ABRAXAS2: variants seen among roughly 807,000 people sequenced by gnomAD.
ABRAXAS2 encodes the protein BRISC complex subunit Abraxas 2.
Under a neutral mutation model 49.0 loss-of-function variants are expected in ABRAXAS2, and 23 were observed. The ratio of observed to expected loss-of-function variants is 0.47; its 90% confidence interval spans 0.34 to 0.66. ABRAXAS2 has a LOEUF of 0.66. ABRAXAS2 is among the 30% of genes least tolerant of loss of function. ABRAXAS2 has a pLI of 0.01. For synonymous variants in ABRAXAS2, 168 were observed against 180.2 expected (o/e 0.93, Z 0.54); for missense variants, 443 against 511.9 (o/e 0.87, Z 1.30).
chr10:124,828,938 A>G (rs1189325610), intron 6 of ABRAXAS2, 63 bp downstream of exon 6: 7 of 1,548,710 alleles, frequency 4.5e-6, no homozygotes, highest in African/African-American at 1.4e-5. Flanking sequence ...TGTTAATAAC[A>G]TTTAAAAGGT....
At chr10:124,807,867 A>G (rs1325209685) in intron 2 of ABRAXAS2, among the ~76,000 whole-genome samples, 1 of 152,214 alleles carries the variant, frequency 6.6e-6, no homozygotes, top group Non-Finnish European at 1.5e-5. Flanking sequence ...ACCTCATACT[A>G]TAACGAATTC....
Position 124,812,700 on chromosome 10 carries a change from G to A in ABRAXAS2, c.164-3876G>A, listed in dbSNP as rs542743086. On this transcript the variant is annotated intron_variant, in intron 2 of 8. Transcript: ENST00000298492. Reference sequence around the variant, plus strand: ...ATAAACTGGGAACTTTGGAAAACCCGGGTTGAAAAGTCAAACATTAGGAAA... The same window carrying A: ...ATAAACTGGGAACTTTGGAAAACCCAGGTTGAAAAGTCAAACATTAGGAAA... Among the ~76,000 whole-genome samples, 10 of 152,118 alleles carry A rather than the reference G, an allele frequency of 6.6e-5. No homozygotes were observed. The South Asian group carries it at 1.0e-3, about 16-fold the overall frequency.
At chr10:124,829,583 C>T (rs1315308300) in intron 7 of ABRAXAS2, 106 bp downstream of exon 7, 15 of 722,614 alleles carry the variant, frequency 2.1e-5, no homozygotes, top group East Asian at 2.8e-5. Flanking sequence ...AGTTAGGATC[C>T]GAAAGTCAGA....
chr10:124,809,066 G>A (rs1950766838), intron 2 of ABRAXAS2, among the ~76,000 whole-genome samples: 1 of 152,064 alleles, frequency 6.6e-6, no homozygotes, highest in Admixed American at 6.6e-5. Context: ...GGGAGGCGGA[G>A]GTTGTGGTGA....
intron 4 of ABRAXAS2, among the ~76,000 whole-genome samples, chr10:124,824,726 T>G (rs1489102865): frequency 6.6e-6 from 1 of 152,170 alleles, no homozygotes. Flanking sequence ...GCAGGGGAAG[T>G]GCAGGGCATG....
At chr10:124,826,231 C>T (rs761738165) in intron 4 of ABRAXAS2, among the ~76,000 whole-genome samples, 1 of 152,220 alleles carries the variant, frequency 6.6e-6, no homozygotes, top group Non-Finnish European at 1.5e-5. Context: ...CCTGCCTTCT[C>T]CCCTCATTCC....
intron 1 of ABRAXAS2, among the ~76,000 whole-genome samples, chr10:124,805,170 A>G (rs1305196636): frequency 6.6e-6 from 1 of 151,920 alleles, no homozygotes; most frequent in Non-Finnish European, 1.5e-5. Context: ...CGTCTCTACT[A>G]AAAATACAAA....
intron 8 of ABRAXAS2, among the ~76,000 whole-genome samples, chr10:124,833,000 G>C (rs1950943314): frequency 6.6e-6 from 1 of 151,546 alleles, no homozygotes; most frequent in South Asian, 2.1e-4. Context: ...ACAAAAATTA[G>C]CTGGGCGTGG....
rs373573419 is a variant in ABRAXAS2 at position 124,828,893 on chromosome 10, G to A, written c.578+18G>A. ...GAACATGGGTAAGTTGAAAGGTAAA[G>A]TGCTAGTTTTTTCTTTTGTCAGCAA... is the stretch of plus-strand genomic sequence containing the variant. On this transcript the variant is annotated intron_variant, in intron 6 of 8. Transcript: ENST00000298492. The A allele has an allele frequency of 2.5e-6, 4 of 1,607,446 alleles. No individual in the cohort carries two copies. The African/African-American group carries it at 4.0e-5, about 16-fold the overall frequency.
At chr10:124,809,082 G>C (rs1425532089) in intron 2 of ABRAXAS2, among the ~76,000 whole-genome samples, 3 of 151,962 alleles carry the variant, frequency 2.0e-5, no homozygotes, top group Non-Finnish European at 4.4e-5. Context: ...GGTGAGCTGA[G>C]ATTGTGCCAT....
At chr10:124,823,442 GT>G (rs11360130) in intron 4 of ABRAXAS2, among the ~76,000 whole-genome samples, 8,727 of 152,256 alleles carry the variant, frequency 0.057, 812 homozygotes, top group African/African-American at 0.2. Context: ...TGCTTACAAT[GT>G]TTGCACAAGC....
chr10:124,804,317 G>A (rs1295338864), intron 1 of ABRAXAS2, among the ~76,000 whole-genome samples: 1 of 152,122 alleles, frequency 6.6e-6, no homozygotes, highest in East Asian at 1.9e-4. Context: ...TAGATAAATA[G>A]CAATTTATTT....
chr10:124,808,947 A>G (rs916555307), intron 2 of ABRAXAS2, among the ~76,000 whole-genome samples: 1 of 152,106 alleles, frequency 6.6e-6, no homozygotes, highest in East Asian at 1.9e-4. Context: ...CCTGACCAAC[A>G]TGAAGAAACC....
chr10:124,809,086 G>C (rs887048495), intron 2 of ABRAXAS2, among the ~76,000 whole-genome samples: 2 of 152,004 alleles, frequency 1.3e-5, no homozygotes, highest in African/African-American at 4.8e-5. Context: ...AGCTGAGATT[G>C]TGCCATTCCA....
In ABRAXAS2 at chr10:124,833,020, C is replaced by G. The variant is rs1408028271; in HGVS notation, c.779-1482C>G. Among the ~76,000 whole-genome samples the G allele has an allele frequency of 4.0e-5, 6 of 150,924 alleles. No individual in the cohort carries two copies. In the Admixed American group the frequency reaches 4.0e-4, roughly 10 times the overall value. On this transcript the variant is annotated intron_variant, in intron 8 of 8. Transcript: ENST00000298492. Reference sequence around the variant, plus strand: ...AATTAGCTGGGCGTGGTGGCAGGCACCTGTAATCCCAGCTACTCGGGAGGC... The same window carrying G: ...AATTAGCTGGGCGTGGTGGCAGGCAGCTGTAATCCCAGCTACTCGGGAGGC...
intron 5 of ABRAXAS2, among the ~76,000 whole-genome samples, chr10:124,827,749 CCA>C (rs1950905849): frequency 7.1e-6 from 1 of 140,550 alleles, no homozygotes. Flanking sequence ...ACTTGTTAAA[CCA>C]AAAAAAAAAA....
intron 2 of ABRAXAS2, among the ~76,000 whole-genome samples, chr10:124,808,951 A>G (rs979830670): frequency 2.0e-5 from 3 of 151,988 alleles, no homozygotes; most frequent in African/African-American, 7.2e-5. Flanking sequence ...ACCAACATGA[A>G]GAAACCCCGT....
chr10:124,820,028 A>G (rs1950851997), intron 4 of ABRAXAS2, among the ~76,000 whole-genome samples: 1 of 152,236 alleles, frequency 6.6e-6, no homozygotes, highest in Non-Finnish European at 1.5e-5. Context: ...ATTCTATAAA[A>G]ATAGATCCGT....
rs12098629 is a variant in ABRAXAS2, at chr10:124,834,399, C to T, written c.779-103C>T. ...TAATAGTGACAGTCAGCTTCATTGC[C>T]TCACTGCTATTTTCCAGAACATTCA... On this transcript the variant is annotated intron_variant, in intron 8 of 8. Transcript: ENST00000298492. 445 of 895,944 alleles carry T rather than the reference C, an allele frequency of 5.0e-4. 1 individual carries two copies. The African/African-American group carries it at 6.3e-3, about 13-fold the overall frequency. 55.5% of individuals were successfully genotyped at this position (895,944 alleles called of 1,614,324 possible). A position where few individuals can be genotyped will look rare whatever the true frequency, so the allele number is the denominator to read the frequency against.
Sources: gnomAD v4.1 joint callset for allele counts (sites outside exome capture counted in the v4.1 genomes callset) on GRCh38, gnomAD v4.1.1 for gene constraint, MANE v1.5 for transcripts, NCBI Gene and HGNC (gene_info 2026-07-23, HGNC 2026-07-21) for gene names.